YTHDC2: variants seen among roughly 807,000 people sequenced by gnomAD.
YTHDC2 encodes YTH N6-methyladenosine RNA binding protein C2.
Under a neutral mutation model 174.9 loss-of-function variants are expected in YTHDC2, and 45 were observed. The ratio of observed to expected loss-of-function variants is 0.26; its 90% CI spans 0.20 to 0.33. The LOEUF is 0.33. Among genes scored for constraint, YTHDC2 ranks in the 10% least tolerant of loss-of-function variants. The pLI is 1.00. For synonymous variants in YTHDC2, 657 were observed against 574.5 expected, an observed-to-expected ratio of 1.14 and a Z score of -2.05; for missense variants, 1,650 against 1,723.7, an observed-to-expected ratio of 0.96 and a Z score of 0.76.
At chr5:113,585,058 G>T (rs1424252182) in intron 26 of YTHDC2, among the ~76,000 whole-genome samples, 1 of 151,984 alleles carries the variant, frequency 6.6e-6, no homozygotes, top group African/African-American at 2.4e-5. Flanking sequence ...GGGATTACAG[G>T]TGTGAGCCAC....
At chr5:113,518,789 A>G (rs970095340) in intron 2 of YTHDC2, among the ~76,000 whole-genome samples, 2 of 151,676 alleles carry the variant, frequency 1.3e-5, no homozygotes, top group Admixed American at 1.3e-4. Flanking sequence ...TTTCTGGTCA[A>G]TTTTTTCTTT....
intron 21 of YTHDC2, 81 bp downstream of exon 21, chr5:113,566,100 G>C: frequency 2.9e-6 from 4 of 1,361,026 alleles, no homozygotes; most frequent in Non-Finnish European, 3.9e-6. Flanking sequence ...TATGTTAACT[G>C]ATGCCATCTA....
chr5:113,571,411 T>C (rs1196143178), intron 23 of YTHDC2, among the ~76,000 whole-genome samples: 1 of 152,226 alleles, frequency 6.6e-6, no homozygotes, highest in African/African-American at 2.4e-5. Flanking sequence ...TGCACTGATA[T>C]TCATCAGGGA....
intron 27 of YTHDC2, 78 bp downstream of exon 27, chr5:113,591,322 G>A (rs1778993641): frequency 1.4e-6 from 2 of 1,415,806 alleles, no homozygotes; most frequent in East Asian, 2.3e-5. Flanking sequence ...AAAACAACTG[G>A]CTTTTCATTG....
chr5:113,561,228 G>A (rs1561674473), intron 18 of YTHDC2, 43 bp downstream of exon 18: 2 of 1,481,242 alleles, frequency 1.4e-6, no homozygotes, highest in Non-Finnish European at 1.9e-6. Flanking sequence ...TTTGGGTGAG[G>A]GAAGTGAGGG....
intron 2 of YTHDC2, chr5:113,517,670 A>G: frequency 2.2e-6 from 1 of 446,696 alleles, no homozygotes; most frequent in Non-Finnish European, 4.5e-6. Context: ...AAACCTTCTT[A>G]CGAAATACCC....
intron 23 of YTHDC2, among the ~76,000 whole-genome samples, chr5:113,569,437 G>A (rs1474867222): frequency 6.6e-6 from 1 of 152,112 alleles, no homozygotes; most frequent in African/African-American, 2.4e-5. Context: ...GTCCTGAATG[G>A]TATTGCCTAG....
chr5:113,554,816 A>G (rs927746283), intron 16 of YTHDC2, among the ~76,000 whole-genome samples: 1 of 151,952 alleles, frequency 6.6e-6, no homozygotes, highest in African/African-American at 2.4e-5. Flanking sequence ...AACTTTTGGT[A>G]GATAACATTC....
chr5:113,591,003 T>C (rs1324296059), intron 26 of YTHDC2, 38 bp from the exon 27 acceptor site: 3 of 1,580,570 alleles, frequency 1.9e-6, no homozygotes, highest in Admixed American at 3.6e-5. Flanking sequence ...TTTTGAAAGG[T>C]CAGGTTACCT....
chr5:113,540,833 T>C, intron 8 of YTHDC2, 135 bp from the exon 9 acceptor site: 4 of 728,856 alleles, frequency 5.5e-6, no homozygotes, highest in East Asian at 2.8e-5. Flanking sequence ...ATTCTTAATA[T>C]ATTTTTTAAA....
intron 26 of YTHDC2, 103 bp downstream of exon 26, chr5:113,584,582 G>A (rs1778575682): frequency 9.5e-7 from 1 of 1,051,600 alleles, no homozygotes; most frequent in Non-Finnish European, 1.3e-6. Flanking sequence ...TCTAATTGTG[G>A]CCTCTTCTAG....
intron 23 of YTHDC2, among the ~76,000 whole-genome samples, chr5:113,575,521 C>G (rs1452235962): frequency 1.3e-5 from 2 of 152,124 alleles, no homozygotes; most frequent in Non-Finnish European, 2.9e-5. Context: ...GAGCCAGCCA[C>G]ATGAAAAGCA....
At chr5:113,535,161 G>T (rs945739926) in intron 6 of YTHDC2, among the ~76,000 whole-genome samples, 1 of 152,128 alleles carries the variant, frequency 6.6e-6, no homozygotes, top group Non-Finnish European at 1.5e-5. Context: ...TCAAACAACT[G>T]CAGGTTGAAA....
intron 2 of YTHDC2, 111 bp downstream of exon 2, chr5:113,515,473 T>A: frequency 1.2e-6 from 1 of 861,738 alleles, no homozygotes; most frequent in Non-Finnish European, 1.8e-6. Context: ...TTCACATTCT[T>A]AATTGTATCA....
rs200127220 is a variant in YTHDC2, at chr5:113,579,651, G to A, written c.3310G>A (p.Ala1104Thr). 2 of 1,610,444 alleles carry A rather than the reference G, an allele frequency of 1.2e-6. No individual in the cohort carries two copies. Among genetic ancestry groups the A allele is most frequent in the South Asian group, 1.1e-5 (1 of 90,598 alleles). The part of the protein sequence containing the change: ...MEDKTTANLA[A>T]LKLDEWLHFT... ...GGACAAAACTACAGCTAATTTGGCAGCCTTGAAACTTGATGAGTGGCTCCA... is the reference window on the plus strand; with the variant it reads ...GGACAAAACTACAGCTAATTTGGCAACCTTGAAACTTGATGAGTGGCTCCA... The change falls in exon 24 of 30, where the codon GCC becomes ACC. Residue 1104 changes from alanine (A) to threonine (T), a missense_variant. This residue lies in a region of YTHDC2 where 913 missense variants were observed against 940.4 expected (regional missense o/e 0.97). Coordinates refer to ENST00000161863, the MANE Select transcript of YTHDC2 (RefSeq NM_022828.5).
At chr5:113,528,851 T>G (rs1315983519) in intron 4 of YTHDC2, among the ~76,000 whole-genome samples, 3 of 152,194 alleles carry the variant, frequency 2.0e-5, no homozygotes, top group Non-Finnish European at 4.4e-5. Context: ...CCTGTGTCAC[T>G]GCATTACTGT....
intron 2 of YTHDC2, 38 bp downstream of exon 2, chr5:113,515,400 T>G (rs776208527): frequency 1.1e-5 from 17 of 1,536,838 alleles, no homozygotes; most frequent in East Asian, 2.3e-5. Flanking sequence ...TTAAAAAAGA[T>G]TATTTGCCCA....
At chr5:113,579,510 G>A (rs55857156) in intron 23 of YTHDC2, 76 bp from the exon 24 acceptor site, 21 of 1,074,712 alleles carry the variant, frequency 2.0e-5, no homozygotes, top group South Asian at 5.3e-5. Context: ...TATATGAAGC[G>A]TATTTATTCT....
intron 2 of YTHDC2, among the ~76,000 whole-genome samples, chr5:113,519,834 T>G (rs971304509): frequency 6.6e-6 from 1 of 152,222 alleles, no homozygotes; most frequent in Non-Finnish European, 1.5e-5. Flanking sequence ...CTCACACAAA[T>G]GCCATTCAGA....
Sources: allele counts gnomAD v4.1 joint callset (sites outside exome capture counted in the v4.1 genomes callset), GRCh38; gene constraint gnomAD v4.1.1; regional missense constraint gnomAD v4.1.1; transcripts MANE v1.5; gene names NCBI Gene and HGNC (gene_info 2026-07-23, HGNC 2026-07-21).